KSR2: variants seen among roughly 807,000 people sequenced by gnomAD.
The protein encoded by KSR2 is kinase suppressor of ras 2.
KSR2 carries 25 observed loss-of-function variants against 107.8 expected under a neutral mutation model. The ratio of observed to expected loss-of-function variants is 0.23; its 90% CI spans 0.17 to 0.32. KSR2 has a LOEUF of 0.32. KSR2 is among the 10% of genes least tolerant of loss of function. The pLI, the probability that KSR2 is intolerant of heterozygous loss-of-function variation, is 1.00. For synonymous variants in KSR2, 480 were observed against 507.0 expected (o/e 0.95, Z 0.71); for missense variants, 887 against 1,268.9 (o/e 0.70, Z 4.57).
intron 1 of KSR2, among the ~76,000 whole-genome samples, chr12:117,886,156 A>G (rs1204679547): frequency 2.0e-5 from 3 of 151,004 alleles, no homozygotes; most frequent in South Asian, 4.1e-4. Context: ...AAAAATATAC[A>G]TGTACATATG....
chr12:117,692,253 G>T (rs576658927), intron 4 of KSR2, among the ~76,000 whole-genome samples: 1 of 151,854 alleles, frequency 6.6e-6, no homozygotes, highest in African/African-American at 2.4e-5. Flanking sequence ...AAACCAGAAG[G>T]AGATACCACT....
intron 7 of KSR2, among the ~76,000 whole-genome samples, chr12:117,569,418 C>T (rs535361463): frequency 1.3e-5 from 2 of 152,304 alleles, no homozygotes; most frequent in African/African-American, 4.8e-5. Flanking sequence ...TGGCCAGCCA[C>T]TGCAGGCAGG....
At chr12:117,767,893 C>T (rs7296788) in intron 3 of KSR2, among the ~76,000 whole-genome samples, 52,698 of 151,614 alleles carry the variant, frequency 0.35, 9,556 homozygotes, top group East Asian at 0.63. Context: ...AACTAAGGGC[C>T]GGTGTGACTG....
intron 3 of KSR2, among the ~76,000 whole-genome samples, chr12:117,841,106 C>T (rs1270133494): frequency 2.0e-5 from 3 of 151,896 alleles, no homozygotes; most frequent in African/African-American, 4.8e-5. Context: ...ACTTCTCACA[C>T]GAGTGTATAA....
intron 14 of KSR2, among the ~76,000 whole-genome samples, chr12:117,490,840 T>A (rs899240190): frequency 6.6e-6 from 1 of 152,248 alleles, no homozygotes; most frequent in Non-Finnish European, 1.5e-5. Context: ...ACATATTTAT[T>A]GTGTAGCACA....
chr12:117,682,870 G>T (rs528917746), intron 4 of KSR2, among the ~76,000 whole-genome samples: 1 of 152,178 alleles, frequency 6.6e-6, no homozygotes, highest in Non-Finnish European at 1.5e-5. Flanking sequence ...AGAGGATGGA[G>T]GATTGGAGCA....
chr12:117,872,982 G>C (rs767816213), intron 1 of KSR2, among the ~76,000 whole-genome samples: 3 of 152,210 alleles, frequency 2.0e-5, no homozygotes, highest in Non-Finnish European at 4.4e-5. Context: ...CCACGTGGCA[G>C]GAACCAGAAC....
rs369491651 is a variant in KSR2, at chr12:117,860,360, C to T, written c.252G>A (p.Ala84=). The T allele has an allele frequency of 4.1e-5, 66 of 1,613,690 alleles. 2 individuals are homozygous for T. The highest frequency in any genetic ancestry group is 2.9e-4 in the East Asian group (13 of 44,886). ...GTAGCTGGGGGAAGCCGTCCAGCTC[C>T]GCGTTGCGCTCCTGCAAGGCTACCT... ...KKKVALQERN[A]ELDGFPQLRH... The change falls in exon 2 of 20, where the codon GCG becomes GCA. Residue 84 remains alanine (A), a synonymous_variant. Transcript: ENST00000339824.
chr12:117,793,991 C>A (rs573718348), intron 3 of KSR2, among the ~76,000 whole-genome samples: 20 of 116,880 alleles, frequency 1.7e-4, no homozygotes, highest in Non-Finnish European at 3.0e-4. Context: ...CACACATACA[C>A]CAACATGCAC....
intron 5 of KSR2, among the ~76,000 whole-genome samples, chr12:117,640,727 T>C (rs79431581): frequency 0.039 from 5,871 of 152,234 alleles, 260 homozygotes; most frequent in East Asian, 0.24. Flanking sequence ...CACGTCCAGA[T>C]ACCCCTCCAT....
intron 1 of KSR2, among the ~76,000 whole-genome samples, chr12:117,934,254 G>A (rs772355815): frequency 1.3e-5 from 2 of 152,126 alleles, no homozygotes; most frequent in Non-Finnish European, 2.9e-5. Context: ...GGAAGGGACT[G>A]ATCTCGCTCC....
chr12:117,593,829 C>A lies in KSR2; in HGVS notation c.1172-11470G>T, dbSNP rs543037300. ...TGTCTCTCTTCCTGGCTGGAGAAGA[C>A]AAAATATGGGAAGAGGCTCCTTTGG... is the stretch of plus-strand genomic sequence containing the variant. On this transcript the variant is annotated intron_variant, in intron 5 of 19. Coordinates refer to ENST00000339824, the MANE Select transcript of KSR2 (RefSeq NM_173598.6). Among the ~76,000 whole-genome samples the A allele has an allele frequency of 2.6e-5, 4 of 152,330 alleles. No homozygotes were observed. In the South Asian group the frequency reaches 8.3e-4, roughly 32 times the overall value.
intron 3 of KSR2, among the ~76,000 whole-genome samples, chr12:117,832,717 T>C (rs539043799): frequency 1.8e-4 from 28 of 152,338 alleles, no homozygotes; most frequent in African/African-American, 6.7e-4. Context: ...GCCTTGTCTC[T>C]AGCCCTTCCT....
At position 117,525,130 on chromosome 12, in the gene KSR2, G is replaced by C. The variant is rs1875035103; in HGVS notation, c.1941C>G (p.Arg647=). ...LSLLSARSFP[R]KASQTSIFLQ... is the part of the protein sequence containing the mutation. ...GGAAGATGCTGGTCTGGCTGGCCTT[G>C]CGTGGGAAGCTCCGGGCCGAGAGGA... Residue 647 remains arginine (R), a synonymous_variant, in exon 14 of 20, where the codon CGC becomes CGG. Transcript: ENST00000339824. 1.2e-6 allele frequency: 2 copies of C among 1,614,024 alleles called. No homozygotes were observed. The highest frequency in any genetic ancestry group is 4.5e-5 in the East Asian group (2 of 44,868).
intron 14 of KSR2, among the ~76,000 whole-genome samples, chr12:117,503,602 T>A (rs940746692): frequency 6.6e-6 from 1 of 152,198 alleles, no homozygotes; most frequent in Non-Finnish European, 1.5e-5. Context: ...GCCCAACCTA[T>A]AGCCAACTTT....
chr12:117,623,194 T>A (rs1358945692), intron 5 of KSR2, among the ~76,000 whole-genome samples: 1 of 152,216 alleles, frequency 6.6e-6, no homozygotes, highest in African/African-American at 2.4e-5. Context: ...TCCATAACAA[T>A]ATCTCACATT....
At chr12:117,511,763 C>T (rs1430543231) in intron 14 of KSR2, among the ~76,000 whole-genome samples, 1 of 152,122 alleles carries the variant, frequency 6.6e-6, no homozygotes, top group Non-Finnish European at 1.5e-5. Context: ...ACTTCCCTTC[C>T]GTATTTTTAA....
At chr12:117,806,580 G>C (rs921595546) in intron 3 of KSR2, among the ~76,000 whole-genome samples, 2 of 152,260 alleles carry the variant, frequency 1.3e-5, no homozygotes, top group African/African-American at 4.8e-5. Flanking sequence ...AGTCAACAAT[G>C]TGGTGCAACC....
At chr12:117,726,372 G>C (rs1887426468) in intron 4 of KSR2, among the ~76,000 whole-genome samples, 1 of 152,128 alleles carries the variant, frequency 6.6e-6, no homozygotes, top group African/African-American at 2.4e-5. Context: ...TACCTATTAG[G>C]ATGAATAAAG....
Sources: gnomAD v4.1 joint callset for allele counts (sites outside exome capture counted in the v4.1 genomes callset) on GRCh38, gnomAD v4.1.1 for gene constraint, MANE v1.5 for transcripts, NCBI Gene and HGNC (gene_info 2026-07-23, HGNC 2026-07-21) for gene names.